DBH: variants seen among roughly 807,000 people sequenced by gnomAD.
DBH encodes the protein dopamine beta-hydroxylase.
In DBH, 49 loss-of-function variants were observed where a neutral mutation model predicts 64.0. That is an observed-to-expected ratio of 0.77 (90% confidence interval 0.61 to 0.97). DBH has a LOEUF of 0.97. Among genes scored for constraint, DBH ranks in the 50% least tolerant of loss-of-function variants. DBH has a pLI of 0.00. For missense variants in DBH, 828 were observed against 826.6 expected, an observed-to-expected ratio of 1.00 and a Z score of -0.02; for synonymous variants, 343 against 347.1, an observed-to-expected ratio of 0.99 and a Z score of 0.13.
chr9:133,645,489 C>T (rs1832171738), intron 5 of DBH, among the ~76,000 whole-genome samples: 1 of 152,302 alleles, frequency 6.6e-6, no homozygotes, highest in East Asian at 1.9e-4. Flanking sequence ...TGTCACTTCA[C>T]CCATCTTGAG....
At chr9:133,658,241 T>C (rs963412752) in intron 11 of DBH, 75 bp from the exon 12 acceptor site, 75 of 1,581,118 alleles carry the variant, frequency 4.7e-5, no homozygotes, top group Non-Finnish European at 6.2e-5. Context: ...AAGAGGTGGC[T>C]GGGAAGTGGC....
chr9:133,650,834 C>T (rs1287045089), intron 6 of DBH, among the ~76,000 whole-genome samples: 2 of 152,184 alleles, frequency 1.3e-5, no homozygotes, highest in Non-Finnish European at 2.9e-5. Flanking sequence ...AAGCATGAGC[C>T]ACCATGCCCA....
At chr9:133,642,852 G>A (rs539161923) in intron 3 of DBH, among the ~76,000 whole-genome samples, 12 of 152,334 alleles carry the variant, frequency 7.9e-5, no homozygotes, top group South Asian at 2.1e-4. Context: ...TAGCAAAGGC[G>A]ATAGCTGTCG....
chr9:133,643,407 T>C lies in DBH; in HGVS notation c.745-6T>C. 6.2e-7 allele frequency: 1 copy of C among 1,613,638 alleles called. No individual in the cohort carries two copies. Among genetic ancestry groups the C allele is most frequent in the Non-Finnish European group, 8.5e-7 (1 of 1,179,950 alleles). On this transcript the variant is annotated splice_region_variant and splice_polypyrimidine_tract_variant and intron_variant, in intron 3 of 11. Coordinates refer to ENST00000393056, the MANE Select transcript of DBH (RefSeq NM_000787.4). The surrounding 1 kb of genome is among the most constrained non-coding windows in gnomAD (Gnocchi z 5.3). ...TTCCCGGGCTCAGAGGGCTGCCTCC[T>C]CACAGTACGAGCCCATCGTCACCAA...
chr9:133,650,068 CCACCTGGCCGA>C (rs1832225825), intron 6 of DBH, among the ~76,000 whole-genome samples: 3 of 152,214 alleles, frequency 2.0e-5, no homozygotes, highest in Admixed American at 6.5e-5. Context: ...AGTCCTCCCT[CCACCTGGCCGA>C]CACCTGGCAT....
chr9:133,656,389 T>C (rs1283895066), intron 9 of DBH, 134 bp from the exon 10 acceptor site: 8 of 1,256,638 alleles, frequency 6.4e-6, no homozygotes, highest in Non-Finnish European at 7.9e-6. Flanking sequence ...GGGACTCGGT[T>C]CCCCAGAGCA....
intron 6 of DBH, among the ~76,000 whole-genome samples, chr9:133,650,515 TC>T: frequency 6.6e-6 from 1 of 150,848 alleles, no homozygotes; most frequent in South Asian, 2.1e-4. Context: ...TTTCTTTCCT[TC>T]CTTCCTTCCT....
chr9:133,642,493 C>T (rs974198452), intron 3 of DBH, 29 bp downstream of exon 3: 15 of 1,582,328 alleles, frequency 9.5e-6, no homozygotes, highest in Middle Eastern at 1.7e-4. Flanking sequence ...CCGAGGTCCT[C>T]GCCCAGCCCT....
chr9:133,637,016 G>A lies in DBH; in HGVS notation c.339+306G>A, dbSNP rs539443142. Among the ~76,000 whole-genome samples the A allele has an allele frequency of 4.6e-5, 7 of 152,250 alleles. No individual in the cohort carries two copies. The South Asian group carries it at 1.0e-3, about 23-fold the overall frequency. On this transcript the variant is annotated intron_variant, in intron 1 of 11. Coordinates refer to ENST00000393056, the MANE Select transcript of DBH (RefSeq NM_000787.4). ...CGCACACACCACACACACTCGTGCC[G>A]CTCCACACCCCACACGCGCATGAGC...
At chr9:133,639,758 C>A (rs1056654017) in intron 1 of DBH, 88 bp from the exon 2 acceptor site, 6 of 1,417,318 alleles carry the variant, frequency 4.2e-6, no homozygotes, top group South Asian at 3.7e-5. Context: ...GCAATGAATG[C>A]GGAGCTCTGC....
At chr9:133,656,217 G>T (rs1832315729) in intron 9 of DBH, 2 of 372,830 alleles carry the variant, frequency 5.4e-6, no homozygotes, top group South Asian at 4.7e-5. Flanking sequence ...CCTGCTCTGA[G>T]ACTCAGTTTC....
intron 6 of DBH, among the ~76,000 whole-genome samples, chr9:133,649,833 CTG>C (rs1308426273): frequency 1.3e-5 from 2 of 152,262 alleles, no homozygotes; most frequent in South Asian, 2.1e-4. Flanking sequence ...TGACCGCTGA[CTG>C]TGAGAACGCC....
chr9:133,654,540 A>C (rs1832291011), intron 9 of DBH: 1 of 152,236 alleles, frequency 6.6e-6, no homozygotes, highest in South Asian at 2.1e-4. Context: ...ATTTCAGGTG[A>C]CAAGTGTCCT....
chr9:133,642,200 G>A lies in DBH; in HGVS notation c.487-7G>A. 1 of 1,612,822 alleles carries A rather than the reference G, an allele frequency of 6.2e-7. No homozygotes were observed. Among genetic ancestry groups the A allele is most frequent in the Non-Finnish European group, 8.5e-7 (1 of 1,180,002 alleles). On this transcript the variant is annotated splice_polypyrimidine_tract_variant and splice_region_variant and intron_variant, in intron 2 of 11. Transcript: ENST00000393056. ...GGGCGACCAGCTGAACCCTGTCTCG[G>A]CTGCAGGACGGCACTGTCCACTTGG... is the stretch of plus-strand genomic sequence containing the variant.
chr9:133,637,903 G>T (rs933326111), intron 1 of DBH, among the ~76,000 whole-genome samples: 8 of 152,244 alleles, frequency 5.3e-5, no homozygotes, highest in African/African-American at 1.7e-4. Flanking sequence ...ACACTCTGTG[G>T]CTCAGGTTCC....
chr9:133,654,367 C>A (rs1361012719), intron 9 of DBH, among the ~76,000 whole-genome samples: 1 of 152,186 alleles, frequency 6.6e-6, no homozygotes, highest in African/African-American at 2.4e-5. Flanking sequence ...CAGGCATGAG[C>A]CATAGCACCC....
Position 133,643,202 on chromosome 9 carries a change from C to A in DBH, c.745-211C>A, listed in dbSNP as rs1832138123. Among the ~76,000 whole-genome samples, 1 of 152,206 alleles carries A rather than the reference C, an allele frequency of 6.6e-6. No individual in the cohort carries two copies. Among genetic ancestry groups the A allele is most frequent in the Admixed American group, 6.5e-5 (1 of 15,284 alleles). ...TGTCCCTGCCTTGGCCTGTACGAAC[C>A]TCATTTCCTTCACTCTGGAGCTGCC... is the stretch of plus-strand genomic sequence containing the variant. On this transcript the variant is annotated intron_variant, in intron 3 of 11. Coordinates refer to ENST00000393056, the MANE Select transcript of DBH (RefSeq NM_000787.4). This position sits in a 1 kb window ranked among gnomAD's most constrained non-coding sequence, Gnocchi z 5.3.
intron 2 of DBH, among the ~76,000 whole-genome samples, chr9:133,641,478 T>C (rs944208042): frequency 4.6e-5 from 7 of 152,226 alleles, no homozygotes; most frequent in African/African-American, 1.7e-4. Context: ...GGGCGTCCCC[T>C]GCACAGGGCG....
intron 1 of DBH, among the ~76,000 whole-genome samples, chr9:133,638,123 C>T (rs1323962521): frequency 6.6e-6 from 1 of 152,240 alleles, no homozygotes; most frequent in African/African-American, 2.4e-5. Flanking sequence ...GGTGACTTTG[C>T]CTTTCCGTGC....
Sources: gnomAD v4.1 joint callset for allele counts (sites outside exome capture counted in the v4.1 genomes callset) on GRCh38, gnomAD v4.1.1 for gene constraint, Gnocchi (gnomAD v3.1) non-coding constraint, MANE v1.5 for transcripts, NCBI Gene and HGNC (gene_info 2026-07-23, HGNC 2026-07-21) for gene names.